Variants in MOG observed in about 807,000 individuals in gnomAD.
The protein encoded by MOG is myelin oligodendrocyte glycoprotein, also known as myelin-oligodendrocyte glycoprotein.
MOG carries 20 observed loss-of-function variants against 35.9 expected under a neutral mutation model. That is an observed-to-expected ratio of 0.56 (90% CI 0.39 to 0.81). MOG has a LOEUF of 0.81. Among genes scored for constraint, MOG ranks in the 30% least tolerant of loss-of-function variants. The pLI is 0.00. For synonymous variants in MOG, 92 were observed against 114.3 expected (o/e 0.80, Z 1.25); for missense variants, 251 against 301.0 (o/e 0.83, Z 1.23).
Position 29,670,504 on chromosome 6 carries a change from TG to T in MOG, c.709+110del. 6.7e-7 allele frequency: 1 copy of T among 1,490,092 alleles called. No homozygotes were observed. The highest frequency in any genetic ancestry group is 2.3e-5 in the East Asian group (1 of 44,298). 92.3% of individuals were successfully genotyped at this position (1,490,092 alleles called of 1,614,324 possible). A position where few individuals can be genotyped will look rare whatever the true frequency, so the allele number is the denominator to read the frequency against. ...AACCAGGACTCAAGATTAGGGGAGC[TG>T]GGATTTCCTTATTCCTCTGTCCCCA... On this transcript the variant is annotated intron_variant, in intron 6 of 7. Transcript: ENST00000376917. The surrounding 1 kb of genome is among the most constrained non-coding windows in gnomAD (Gnocchi z 4.2).
At chr6:29,658,223 C>T (rs992807903) in intron 1 of MOG, among the ~76,000 whole-genome samples, 4 of 152,144 alleles carry the variant, frequency 2.6e-5, no homozygotes, top group African/African-American at 4.8e-5. Context: ...CCGGCTGTCA[C>T]GTGCAGAGGA....
chr6:29,670,722 G>T lies in MOG; in HGVS notation c.730+1G>T. 6.2e-7 allele frequency: 1 copy of T among 1,612,206 alleles called. No individual in the cohort carries two copies. Among genetic ancestry groups the T allele is most frequent in the Non-Finnish European group, 8.5e-7 (1 of 1,179,544 alleles). ...TCAGGGCAATTCCTTGAAGAGCTAC[G>T]TAAGTTCTCTTCTCTCTGTTATAAG... On this transcript the variant is annotated splice_donor_variant, in intron 7 of 7. Coordinates refer to ENST00000376917, the MANE Select transcript of MOG (RefSeq NM_206809.4). LOFTEE classifies it high-confidence loss of function. The surrounding 1 kb of genome is among the most constrained non-coding windows in gnomAD (Gnocchi z 4.2).
In MOG at chr6:29,670,916, G is replaced by A. The variant is rs751780991; in HGVS notation, c.730+195G>A. The A allele has an allele frequency of 2.5e-6, 4 of 1,608,256 alleles. No individual in the cohort carries two copies. The South Asian group carries it at 3.3e-5, about 13-fold the overall frequency. ...GCCAGCTGTTAGAGACACATTTACA[G>A]GTGGCAGAGAAGCTGGAGGCACTCC... On this transcript the variant is annotated intron_variant, in intron 7 of 7. Transcript: ENST00000376917. The surrounding 1 kb of genome is among the most constrained non-coding windows in gnomAD (Gnocchi z 4.2).
rs1583161314 is a variant in MOG at position 29,670,024 on chromosome 6, C to G, written c.593-257C>G. On this transcript the variant is annotated intron_variant, in intron 5 of 7. Transcript: ENST00000376917. This position sits in a 1 kb window ranked among gnomAD's most constrained non-coding sequence, Gnocchi z 4.2. ...GGCCTCATGATCCACCCGTCTCGGA[C>G]TCCCAGAGTGTTGGGATTACAGGCA... 1 of 721,470 alleles carries G rather than the reference C, an allele frequency of 1.4e-6. No homozygotes were observed. Among genetic ancestry groups the G allele is most frequent in the African/African-American group, 1.7e-5 (1 of 57,188 alleles). 44.7% of individuals were successfully genotyped at this position (721,470 alleles called of 1,614,324 possible).
Position 29,672,022 on chromosome 6 carries a change from C to A in MOG, c.*837C>A. 1 of 156,734 alleles carries A rather than the reference C, an allele frequency of 6.4e-6. No individual in the cohort carries two copies. Among genetic ancestry groups the A allele is most frequent in the Admixed American group, 6.1e-5 (1 of 16,346 alleles). The allele number at this position is 156,734 out of a possible 1,614,324, so 9.7% of individuals were successfully genotyped here. A position where few individuals can be genotyped will look rare whatever the true frequency, so the allele number is the denominator to read the frequency against. On this transcript the variant is annotated 3_prime_UTR_variant, in exon 8 of 8. Coordinates refer to ENST00000376917, the MANE Select transcript of MOG (RefSeq NM_206809.4). ...TACGAGTTTTGGCCGGGTGCGGTGG[C>A]TCACGCCTGTAATCCCAGCACTTTG... is the stretch of plus-strand genomic sequence containing the variant.
At chr6:29,667,945 G>A in intron 5 of MOG, 21 bp downstream of exon 5, 1 of 1,612,706 alleles carries the variant, frequency 6.2e-7, no homozygotes. Context: ...GCATGTCTAG[G>A]CCCTCCCAGG....
intron 7 of MOG, 33 bp from the exon 8 acceptor site, chr6:29,671,139 T>TA: frequency 6.2e-7 from 1 of 1,612,994 alleles, no homozygotes; most frequent in East Asian, 2.2e-5. Flanking sequence ...ACTACTGACA[T>TA]ACGTTTTTCA....
intron 2 of MOG, among the ~76,000 whole-genome samples, chr6:29,665,654 G>T (rs1255019956): frequency 6.6e-6 from 1 of 151,868 alleles, no homozygotes; most frequent in African/African-American, 2.4e-5. Flanking sequence ...ATGTTCTCCA[G>T]TCCTGTAGGT....
Position 29,671,490 on chromosome 6 carries a change from T to A in MOG, c.*305T>A. 7.6e-7 allele frequency: 1 copy of A among 1,313,586 alleles called. No homozygotes were observed. Among genetic ancestry groups the A allele is most frequent in the Non-Finnish European group, 1.1e-6 (1 of 907,170 alleles). The allele number at this position is 1,313,586 out of a possible 1,614,324, so 81.4% of individuals were successfully genotyped here. A position where few individuals can be genotyped will look rare whatever the true frequency, so the allele number is the denominator to read the frequency against. ...CCCTCTCTCCATCAGAGGACACCTG[T>A]ACTGGAGAGCAACACAGGATGGTCT... is the stretch of plus-strand genomic sequence containing the variant. On this transcript the variant is annotated 3_prime_UTR_variant, in exon 8 of 8. Transcript: ENST00000376917.
chr6:29,659,668 T>C lies in MOG; in HGVS notation c.436+2T>C. ...CAGCAATGGAATTGAAAGTAGAAGG[T>C]GAGTAGTGCCATATAATATTAGGTA... On this transcript the variant is annotated splice_donor_variant, in intron 2 of 7. Coordinates refer to ENST00000376917, the MANE Select transcript of MOG (RefSeq NM_206809.4). LOFTEE classifies it high-confidence loss of function. The C allele has an allele frequency of 6.2e-7, 1 of 1,610,536 alleles. No individual in the cohort carries two copies. The highest frequency in any genetic ancestry group is 8.5e-7 in the Non-Finnish European group (1 of 1,177,876).
Position 29,657,197 on chromosome 6 carries a change from A to G in MOG, c.-13A>G. On this transcript the variant is annotated 5_prime_UTR_variant, in exon 1 of 8. Coordinates refer to ENST00000376917, the MANE Select transcript of MOG (RefSeq NM_206809.4). ...CTTGCTGCGGGGGCTCTCTGTCCCCAGGAACAGTAGAGATGGCAAGCTTAT... is the reference window on the plus strand; with the variant it reads ...CTTGCTGCGGGGGCTCTCTGTCCCCGGGAACAGTAGAGATGGCAAGCTTAT... The G allele has an allele frequency of 6.3e-7, 1 of 1,594,572 alleles. No individual in the cohort carries two copies. Among genetic ancestry groups the G allele is most frequent in the African/African-American group, 1.3e-5 (1 of 74,540 alleles).
At position 29,662,116 on chromosome 6, in the gene MOG, AT is replaced by A. The variant is rs1768935738; in HGVS notation, c.436+2457del. ...AGTTTCTAATTTCTCTTGTTTACTT[AT>A]TTTTTTCTTGTCATTTTTGTGATTT... On this transcript the variant is annotated intron_variant, in intron 2 of 7. Transcript: ENST00000376917. The surrounding 1 kb of genome is among the most constrained non-coding windows in gnomAD (Gnocchi z 4.2). 3.0e-6 allele frequency: 3 copies of A among 984,890 alleles called. No homozygotes were observed. Among genetic ancestry groups the A allele is most frequent in the South Asian group, 4.7e-5 (1 of 21,270 alleles). The allele number at this position is 984,890 out of a possible 1,614,324, so 61.0% of individuals were successfully genotyped here.
Position 29,671,352 on chromosome 6 carries a change from T to A in MOG, c.*167T>A, listed in dbSNP as rs1451788054. On this transcript the variant is annotated 3_prime_UTR_variant, in exon 8 of 8. Transcript: ENST00000376917. ...GAATTCCAAGTAGAATTGATTTCCCTTCTTCTGTCATCTACCTTTTCTCTT... is the reference window on the plus strand; with the variant it reads ...GAATTCCAAGTAGAATTGATTTCCCATCTTCTGTCATCTACCTTTTCTCTT... 6.2e-7 allele frequency: 1 copy of A among 1,611,950 alleles called. No individual in the cohort carries two copies. The highest frequency in any genetic ancestry group is 1.3e-5 in the African/African-American group (1 of 74,912).
rs1771401393 is a variant in MOG, at chr6:29,671,233, G to T, written c.*48G>T. 1.2e-6 allele frequency: 2 copies of T among 1,612,588 alleles called. No individual in the cohort carries two copies. The highest frequency in any genetic ancestry group is 1.7e-6 in the Non-Finnish European group (2 of 1,180,034). On this transcript the variant is annotated 3_prime_UTR_variant, in exon 8 of 8. Transcript: ENST00000376917. ...GTGGAGGAGAGCCTGGTTGCCCAGG[G>T]ATTTGTCCTTGGGGACATCTCATCC...
chr6:29,670,581 A>G lies in MOG; in HGVS notation c.710-120A>G. ...AACTGTGAAGAGAACCACTTACTGG[A>G]TCTGTGGGATCCCCCAGTGGAAAGG... is the stretch of plus-strand genomic sequence containing the variant. On this transcript the variant is annotated intron_variant, in intron 6 of 7. Transcript: ENST00000376917. This position sits in a 1 kb window ranked among gnomAD's most constrained non-coding sequence, Gnocchi z 4.2. 1 of 1,571,168 alleles carries G rather than the reference A, an allele frequency of 6.4e-7. No homozygotes were observed. Among genetic ancestry groups the G allele is most frequent in the Non-Finnish European group, 8.7e-7 (1 of 1,154,040 alleles).
At chr6:29,663,922 T>C in intron 2 of MOG, 8 of 970,244 alleles carry the variant, frequency 8.2e-6, no homozygotes, top group Non-Finnish European at 9.8e-6. Context: ...AGTTTAATGT[T>C]ATTAGCTGTG....
At chr6:29,664,768 G>A (rs919538563) in intron 2 of MOG, 3 of 340,446 alleles carry the variant, frequency 8.8e-6, no homozygotes, top group Non-Finnish European at 1.7e-5. Flanking sequence ...CCATGCCCAG[G>A]TAATTTTTAA....
intron 1 of MOG, among the ~76,000 whole-genome samples, chr6:29,657,615 C>T (rs997670085): frequency 3.3e-5 from 5 of 150,752 alleles, no homozygotes; most frequent in Non-Finnish European, 4.4e-5. Flanking sequence ...TCCCAAGTAG[C>T]GGAGACTACA....
intron 1 of MOG, among the ~76,000 whole-genome samples, chr6:29,658,594 G>A (rs543204618): frequency 3.9e-5 from 6 of 152,304 alleles, no homozygotes; most frequent in Non-Finnish European, 8.8e-5. Context: ...AGAATAGGCA[G>A]CAATTTGGCC....
Sources: allele counts gnomAD v4.1 joint callset (sites outside exome capture counted in the v4.1 genomes callset), GRCh38; gene constraint gnomAD v4.1.1; non-coding constraint Gnocchi (gnomAD v3.1); transcripts MANE v1.5; gene names NCBI Gene and HGNC (gene_info 2026-07-23, HGNC 2026-07-21).